The following TMCC1 variants were observed in gnomAD, a reference collection of about 807,000 sequenced individuals.
The protein encoded by TMCC1 is transmembrane and coiled-coil domains protein 1.
Under a neutral mutation model 52.4 loss-of-function variants are expected in TMCC1, and 15 were observed. The ratio of observed to expected loss-of-function variants is 0.29; its 90% CI spans 0.19 to 0.44. The LOEUF is 0.44. Ranked by LOEUF, TMCC1 falls within the 20% of genes least tolerant of loss-of-function variation. TMCC1 has a pLI of 1.00. For missense variants in TMCC1, 503 were observed against 806.0 expected (o/e 0.62, Z 4.55); for synonymous variants, 279 against 301.9 (o/e 0.92, Z 0.79).
chr3:129,758,842 A>G (rs1292693292), intron 4 of TMCC1, among the ~76,000 whole-genome samples: 1 of 152,188 alleles, frequency 6.6e-6, no homozygotes, highest in Non-Finnish European at 1.5e-5. Flanking sequence ...CTCTCTTCCC[A>G]GCCCCTGGCA....
At chr3:129,836,644 A>G (rs886852018) in intron 2 of TMCC1, among the ~76,000 whole-genome samples, 2 of 152,220 alleles carry the variant, frequency 1.3e-5, no homozygotes, top group Admixed American at 6.5e-5. Context: ...CAGGCACCTA[A>G]AAGCCTTGTC....
intron 1 of TMCC1, among the ~76,000 whole-genome samples, chr3:129,886,405 T>C (rs1301732638): frequency 6.6e-6 from 1 of 152,148 alleles, no homozygotes; most frequent in African/African-American, 2.4e-5. Flanking sequence ...ATACAGTGGT[T>C]ACATACTCAA....
intron 4 of TMCC1, among the ~76,000 whole-genome samples, chr3:129,776,542 G>A (rs1378339118): frequency 6.6e-6 from 1 of 152,120 alleles, no homozygotes; most frequent in Admixed American, 6.5e-5. Flanking sequence ...GCAGAAGAGG[G>A]GCACCCAAAT....
At chr3:129,654,908 T>G in intron 6 of TMCC1, 60 bp downstream of exon 6, 3 of 1,579,248 alleles carry the variant, frequency 1.9e-6, no homozygotes, top group East Asian at 2.2e-5. Context: ...TTCCGCTGTT[T>G]TCCTTTTTTC....
chr3:129,820,882 G>A (rs2058382647), intron 4 of TMCC1, among the ~76,000 whole-genome samples: 1 of 152,180 alleles, frequency 6.6e-6, no homozygotes. Flanking sequence ...CTACTTTTAA[G>A]CACTGTTCAG....
intron 1 of TMCC1, 153 bp downstream of exon 1, chr3:129,893,340 CA>C (rs2062068880): frequency 6.6e-6 from 1 of 152,510 alleles, no homozygotes; most frequent in African/African-American, 2.4e-5. Flanking sequence ...GGGGCGACGG[CA>C]GGTCCCAGCC....
chr3:129,743,865 C>T (rs139232685), intron 4 of TMCC1, among the ~76,000 whole-genome samples: 34 of 151,384 alleles, frequency 2.2e-4, no homozygotes, highest in African/African-American at 8.0e-4. Context: ...TTAAAAATAA[C>T]TTCACTGTTT....
chr3:129,667,958 G>A (rs1200972584), intron 5 of TMCC1, among the ~76,000 whole-genome samples: 1 of 152,144 alleles, frequency 6.6e-6, no homozygotes, highest in Non-Finnish European at 1.5e-5. Flanking sequence ...AGGCCAAGGA[G>A]GGCAGATCAC....
intron 2 of TMCC1, among the ~76,000 whole-genome samples, chr3:129,863,136 C>A (rs2060469900): frequency 6.6e-6 from 1 of 152,098 alleles, no homozygotes; most frequent in Non-Finnish European, 1.5e-5. Flanking sequence ...ATAAAAATGT[C>A]CTATACCTTT....
chr3:129,799,360 G>T (rs1235618261), intron 4 of TMCC1, among the ~76,000 whole-genome samples: 2 of 152,184 alleles, frequency 1.3e-5, no homozygotes, highest in Admixed American at 1.3e-4. Context: ...AGTTTCAAGA[G>T]GCTATTTGGC....
intron 4 of TMCC1, among the ~76,000 whole-genome samples, chr3:129,690,235 T>A (rs997858981): frequency 6.6e-6 from 1 of 152,184 alleles, no homozygotes; most frequent in Non-Finnish European, 1.5e-5. Flanking sequence ...TTGCCTTCCT[T>A]CTCTCAAAAA....
intron 5 of TMCC1, among the ~76,000 whole-genome samples, chr3:129,664,099 G>A (rs781656448): frequency 9.9e-5 from 15 of 152,088 alleles, no homozygotes. Context: ...TCTCTTTTAT[G>A]GAAGATTGTA....
intron 4 of TMCC1, among the ~76,000 whole-genome samples, chr3:129,800,070 A>G (rs891609580): frequency 6.6e-6 from 1 of 152,192 alleles, no homozygotes; most frequent in African/African-American, 2.4e-5. Context: ...GACTTCTATC[A>G]TAAATTAACT....
intron 2 of TMCC1, among the ~76,000 whole-genome samples, chr3:129,833,146 T>C (rs2058997528): frequency 6.6e-6 from 1 of 152,236 alleles, no homozygotes; most frequent in Non-Finnish European, 1.5e-5. Context: ...AAGGAATGGA[T>C]ATTCCATTAA....
intron 5 of TMCC1, among the ~76,000 whole-genome samples, chr3:129,660,889 C>T (rs2086980656): frequency 2.0e-5 from 3 of 152,188 alleles, no homozygotes; most frequent in African/African-American, 7.2e-5. Context: ...AGTGATCCTC[C>T]CATCTCAGCC....
At chr3:129,776,471 T>C (rs1306390414) in intron 4 of TMCC1, among the ~76,000 whole-genome samples, 2 of 151,798 alleles carry the variant, frequency 1.3e-5, no homozygotes, top group Non-Finnish European at 2.9e-5. Context: ...GGGAAGTATA[T>C]AGAGAGAATA....
intron 4 of TMCC1, among the ~76,000 whole-genome samples, chr3:129,734,387 TG>T (rs1024464297): frequency 7.2e-5 from 11 of 152,340 alleles, no homozygotes; most frequent in East Asian, 1.9e-4. Context: ...CAAAACTATA[TG>T]TTTTTTTATG....
chr3:129,667,067 A>C (rs1052067438), intron 5 of TMCC1, among the ~76,000 whole-genome samples: 2 of 151,256 alleles, frequency 1.3e-5, no homozygotes, highest in Non-Finnish European at 2.9e-5. Context: ...ATGCCTGGCT[A>C]ATTTTTTTTG....
intron 4 of TMCC1, among the ~76,000 whole-genome samples, chr3:129,757,212 G>C (rs528144265): frequency 6.6e-5 from 10 of 152,166 alleles, no homozygotes; most frequent in Non-Finnish European, 1.3e-4. Flanking sequence ...ACCCCCAAGG[G>C]AAAGATAATG....
Sources: gnomAD v4.1 joint callset for allele counts (sites outside exome capture counted in the v4.1 genomes callset) on GRCh38, gnomAD v4.1.1 for gene constraint, MANE v1.5 for transcripts, NCBI Gene and HGNC (gene_info 2026-07-23, HGNC 2026-07-21) for gene names.